The following LINGO2 variants were observed in gnomAD, a reference collection of about 807,000 sequenced individuals.
LINGO2 encodes leucine-rich repeat and immunoglobulin-like domain-containing nogo receptor-interacting protein 2.
A neutral mutation model predicts 30.6 loss-of-function variants in LINGO2; 14 were observed. The observed-to-expected ratio is 0.46, with a 90% CI of 0.30 to 0.72. The LOEUF is 0.72. LINGO2 is among the 30% of genes least tolerant of loss of function. The pLI, the probability that LINGO2 is intolerant of heterozygous loss-of-function variation, is 0.07. For missense variants in LINGO2, 729 were observed against 751.7 expected (o/e 0.97, Z 0.35); for synonymous variants, 317 against 288.5 (o/e 1.10, Z -1.00).
chr9:28,089,538 C>A (rs999357368), intron 4 of LINGO2, among the ~76,000 whole-genome samples: 1 of 152,176 alleles, frequency 6.6e-6, no homozygotes, highest in African/African-American at 2.4e-5. Flanking sequence ...CACATCATAC[C>A]AGAATCTCTG....
intron 1 of LINGO2, among the ~76,000 whole-genome samples, chr9:28,489,063 C>T (rs1476992100): frequency 6.6e-6 from 1 of 152,162 alleles, no homozygotes; most frequent in Non-Finnish European, 1.5e-5. Flanking sequence ...ATCAAAAAAG[C>T]TTATATTCTA....
At chr9:29,009,956 C>G in the LINGO2 span, among the ~76,000 whole-genome samples, 4 of 152,100 alleles carry the variant, frequency 2.6e-5, no homozygotes, top group African/African-American at 9.7e-5. Flanking sequence ...ATAAATGGTG[C>G]TGGGAAAACT....
At chr9:28,007,394 T>G (rs547987086) in intron 5 of LINGO2, among the ~76,000 whole-genome samples, 8 of 152,156 alleles carry the variant, frequency 5.3e-5, no homozygotes, top group South Asian at 2.1e-4. Flanking sequence ...TGAGTAACAG[T>G]CCAGTACCAA....
intron 4 of LINGO2, among the ~76,000 whole-genome samples, chr9:28,135,730 A>T (rs1331175889): frequency 6.6e-6 from 1 of 152,082 alleles, no homozygotes; most frequent in Non-Finnish European, 1.5e-5. Flanking sequence ...AAGCTCAAAC[A>T]GTCCCCAGAA....
the LINGO2 span, among the ~76,000 whole-genome samples, chr9:28,823,412 G>A: frequency 1.7e-4 from 26 of 152,248 alleles, no homozygotes; most frequent in East Asian, 4.2e-3. Flanking sequence ...TTACCATAAC[G>A]TATCTCCAGA....
At chr9:27,987,039 T>TG (rs1181145304) in intron 5 of LINGO2, among the ~76,000 whole-genome samples, 26 of 151,780 alleles carry the variant, frequency 1.7e-4, no homozygotes, top group African/African-American at 6.0e-4. Flanking sequence ...TCGACTTTTT[T>TG]TTGTGTGTGT....
intron 1 of LINGO2, among the ~76,000 whole-genome samples, chr9:28,592,054 T>C (rs1824939052): frequency 1.3e-5 from 2 of 152,096 alleles, no homozygotes; most frequent in South Asian, 2.1e-4. Flanking sequence ...CCCATAGTCA[T>C]GGTGTGACTT....
At chr9:28,983,525 T>C in the LINGO2 span, among the ~76,000 whole-genome samples, 889 of 152,004 alleles carry the variant, frequency 5.8e-3, 8 homozygotes, top group African/African-American at 0.021. Context: ...ATTTAGAGCA[T>C]AGTCAAATAT....
At chr9:29,033,378 C>CTATATATATATATATATATATATATA in the LINGO2 span, among the ~76,000 whole-genome samples, 439 of 140,440 alleles carry the variant, frequency 3.1e-3, 9 homozygotes, top group Admixed American at 0.011. Context: ...AACTGCTTTA[C>CTATATATATATATATATATATATATA]TATATATATA....
At chr9:29,091,566 T>C in the LINGO2 span, among the ~76,000 whole-genome samples, 1 of 151,936 alleles carries the variant, frequency 6.6e-6, no homozygotes, top group Admixed American at 6.6e-5. Flanking sequence ...GACCTACAAA[T>C]CTGGGCACCT....
At chr9:29,053,764 ATAAAC>A in the LINGO2 span, among the ~76,000 whole-genome samples, 1 of 152,130 alleles carries the variant, frequency 6.6e-6, no homozygotes, top group Admixed American at 6.5e-5. Context: ...TATTTCAAGT[ATAAAC>A]TAATCTAAAT....
chr9:28,048,112 A>G (rs1824509215), intron 4 of LINGO2, among the ~76,000 whole-genome samples: 1 of 150,910 alleles, frequency 6.6e-6, no homozygotes. Flanking sequence ...GGGGTAGGAA[A>G]ATTAGAAATA....
At chr9:27,979,583 C>T (rs1053864676) in intron 5 of LINGO2, among the ~76,000 whole-genome samples, 7 of 151,846 alleles carry the variant, frequency 4.6e-5, no homozygotes, top group Admixed American at 2.6e-4. Flanking sequence ...GTTTAATATT[C>T]TCCTCCTGCT....
chr9:28,349,736 G>C (rs2134435498), intron 3 of LINGO2, among the ~76,000 whole-genome samples: 1 of 148,444 alleles, frequency 6.7e-6, no homozygotes, highest in East Asian at 2.0e-4. Flanking sequence ...AAAATGTTAA[G>C]GGCAGCCAGA....
the LINGO2 span, among the ~76,000 whole-genome samples, chr9:29,170,523 C>A: frequency 6.6e-6 from 1 of 151,936 alleles, no homozygotes; most frequent in Non-Finnish European, 1.5e-5. Context: ...ACACTAAAAG[C>A]CCAGACTTCA....
At chr9:29,115,718 T>A in the LINGO2 span, among the ~76,000 whole-genome samples, 1 of 152,076 alleles carries the variant, frequency 6.6e-6, no homozygotes, top group Non-Finnish European at 1.5e-5. Context: ...TTTATCATGA[T>A]ATGCAATTAA....
chr9:28,859,210 C>T, the LINGO2 span, among the ~76,000 whole-genome samples: 1 of 152,036 alleles, frequency 6.6e-6, no homozygotes, highest in Non-Finnish European at 1.5e-5. Flanking sequence ...TTTTCTAAAG[C>T]AAAATTGCAG....
chr9:28,268,423 C>T (rs551505404), intron 4 of LINGO2, among the ~76,000 whole-genome samples: 1 of 152,120 alleles, frequency 6.6e-6, no homozygotes, highest in East Asian at 1.9e-4. Flanking sequence ...CATGACACAA[C>T]AAAGAAGATA....
chr9:29,206,840 A>C, the LINGO2 span, among the ~76,000 whole-genome samples: 1 of 152,172 alleles, frequency 6.6e-6, no homozygotes, highest in African/African-American at 2.4e-5. Flanking sequence ...ATCAACAATA[A>C]ATATTTGCAT....
Sources: gnomAD v4.1 joint callset for allele counts (sites outside exome capture counted in the v4.1 genomes callset) on GRCh38, gnomAD v4.1.1 for gene constraint, MANE v1.5 for transcripts, NCBI Gene and HGNC (gene_info 2026-07-23, HGNC 2026-07-21) for gene names.